SSX2IP: variants seen among roughly 807,000 people sequenced by gnomAD.
SSX2IP encodes the protein SSX family member 2 interacting protein, also known as afadin- and alpha-actinin-binding protein.
A neutral mutation model predicts 84.9 loss-of-function variants in SSX2IP; 55 were observed. The observed-to-expected ratio is 0.65, with a 90% CI of 0.52 to 0.81. SSX2IP has a LOEUF of 0.81. Ranked by LOEUF, SSX2IP falls within the 30% of genes least tolerant of loss-of-function variation. The pLI is 0.00. For synonymous variants in SSX2IP, 239 were observed against 234.7 expected, an observed-to-expected ratio of 1.02 and a Z score of -0.17; for missense variants, 664 against 705.2, an observed-to-expected ratio of 0.94 and a Z score of 0.66.
intron 4 of SSX2IP, among the ~76,000 whole-genome samples, chr1:84,667,376 T>C (rs904094027): frequency 2.6e-5 from 4 of 152,114 alleles, no homozygotes; most frequent in African/African-American, 4.8e-5. Flanking sequence ...GTTCGTCAGA[T>C]CTCAATCTTA....
intron 1 of SSX2IP, chr1:84,680,238 C>T (rs1421946015): frequency 1.3e-5 from 2 of 152,146 alleles, no homozygotes; most frequent in Non-Finnish European, 2.9e-5. Flanking sequence ...CCTTATATAT[C>T]TTTGAACTGA....
At chr1:84,689,685 G>C (rs1656309012) in intron 1 of SSX2IP, among the ~76,000 whole-genome samples, 1 of 152,164 alleles carries the variant, frequency 6.6e-6, no homozygotes, top group Non-Finnish European at 1.5e-5. Context: ...ATGCCTAACT[G>C]GGCAATCAGC....
chr1:84,675,206 T>C (rs1009556898), intron 1 of SSX2IP, among the ~76,000 whole-genome samples: 1 of 152,216 alleles, frequency 6.6e-6, no homozygotes, highest in Non-Finnish European at 1.5e-5. Flanking sequence ...GTTCATATTA[T>C]AGATTAATCA....
intron 1 of SSX2IP, among the ~76,000 whole-genome samples, chr1:84,683,394 C>A (rs1486048114): frequency 2.0e-5 from 3 of 152,060 alleles, no homozygotes; most frequent in Non-Finnish European, 2.9e-5. Flanking sequence ...CAAAAGCAGA[C>A]AAAATATTAA....
chr1:84,668,323 T>C (rs959958356), intron 4 of SSX2IP, among the ~76,000 whole-genome samples: 4 of 152,180 alleles, frequency 2.6e-5, no homozygotes, highest in African/African-American at 9.6e-5. Context: ...CATAGGTCTC[T>C]CTGATCTGGA....
intron 1 of SSX2IP, among the ~76,000 whole-genome samples, chr1:84,683,251 T>C (rs1439605704): frequency 6.6e-6 from 1 of 152,108 alleles, no homozygotes; most frequent in Non-Finnish European, 1.5e-5. Context: ...GCATTAGTTA[T>C]TTGTCCTAAT....
chr1:84,687,556 G>C (rs1317178902), intron 1 of SSX2IP, among the ~76,000 whole-genome samples: 1 of 152,044 alleles, frequency 6.6e-6, no homozygotes, highest in Non-Finnish European at 1.5e-5. Context: ...ACTTAAGAAA[G>C]GTTTGTTGTA....
At chr1:84,684,474 C>T (rs950577676) in intron 1 of SSX2IP, among the ~76,000 whole-genome samples, 2 of 152,160 alleles carry the variant, frequency 1.3e-5, no homozygotes, top group African/African-American at 4.8e-5. Context: ...CTGAAAATAA[C>T]AGTCCTAGGG....
At chr1:84,688,254 A>C (rs1358036360) in intron 1 of SSX2IP, among the ~76,000 whole-genome samples, 3 of 152,200 alleles carry the variant, frequency 2.0e-5, no homozygotes, top group African/African-American at 7.2e-5. Flanking sequence ...TAAACTCGTG[A>C]ATTCAAGATA....
chr1:84,658,141 GTAAAA>G (rs1029334383), intron 9 of SSX2IP, 172 bp downstream of exon 9: 29 of 699,978 alleles, frequency 4.1e-5, no homozygotes, highest in South Asian at 3.8e-4. Context: ...GTCTCAAAAA[GTAAAA>G]TAAAATAAAA....
rs758939705 is a variant in SSX2IP, at chr1:84,669,846, A to G, written c.261T>C (p.Gly87=). 1.2e-6 allele frequency: 2 copies of G among 1,613,414 alleles called. No homozygotes were observed. Among genetic ancestry groups the G allele is most frequent in the Non-Finnish European group, 1.7e-6 (2 of 1,179,592 alleles). ...GFPSLYEESK[G]KETKRELNIV... is the part of the protein sequence containing the mutation. ...TATTTAACTCTCTCTTTGTCTCTTT[A>G]CCTTTGGATTCTTCATATAATGAAG... Residue 87 remains glycine, a synonymous_variant, in exon 4 of 14, where the codon GGT becomes GGC. Transcript: ENST00000342203.
chr1:84,672,965 A>C (rs1466905974), intron 1 of SSX2IP, among the ~76,000 whole-genome samples: 1 of 152,144 alleles, frequency 6.6e-6, no homozygotes, highest in African/African-American at 2.4e-5. Context: ...GCAAGGTTAC[A>C]CTGAGCTGAG....
At chr1:84,668,077 T>C (rs1653011363) in intron 4 of SSX2IP, among the ~76,000 whole-genome samples, 1 of 152,166 alleles carries the variant, frequency 6.6e-6, no homozygotes, top group African/African-American at 2.4e-5. Flanking sequence ...AATACACATT[T>C]CTGTCCATAG....
At chr1:84,653,422 C>A (rs1650613668) in intron 11 of SSX2IP, among the ~76,000 whole-genome samples, 1 of 152,152 alleles carries the variant, frequency 6.6e-6, no homozygotes, top group African/African-American at 2.4e-5. Context: ...AAACTAAATT[C>A]TCCATCAGCC....
At position 84,658,427 on chromosome 1, in the gene SSX2IP, TCTG is replaced by T; in HGVS notation, c.966_968del (p.Ser322del). Reference sequence around the variant, plus strand: ...CACAGGAAAGGTCCCACATACTCTCTCTGCTTAGTTCCCCGGCATCTTCTTCAA... The same window carrying T: ...CACAGGAAAGGTCCCACATACTCTCTCTTAGTTCCCCGGCATCTTCTTCAA... On this transcript the variant is annotated inframe_deletion, in exon 9 of 14. Transcript: ENST00000342203. 6.2e-7 allele frequency: 1 copy of T among 1,614,066 alleles called. No individual in the cohort carries two copies. The highest frequency in any genetic ancestry group is 8.5e-7 in the Non-Finnish European group (1 of 1,179,986).
intron 1 of SSX2IP, among the ~76,000 whole-genome samples, chr1:84,685,716 A>G (rs1488539368): frequency 2.6e-5 from 4 of 152,250 alleles, no homozygotes; most frequent in Admixed American, 2.6e-4. Context: ...CTCTGAGCCT[A>G]TCGCCTCATT....
chr1:84,652,169 C>A, intron 11 of SSX2IP, 172 bp from the exon 12 acceptor site: 1 of 551,778 alleles, frequency 1.8e-6, no homozygotes, highest in Non-Finnish European at 3.3e-6. Context: ...CGTCTGTAAT[C>A]CCAGTATTTT....
At chr1:84,656,161 A>G (rs1397367292) in intron 10 of SSX2IP, 156 bp from the exon 11 acceptor site, 1 of 922,284 alleles carries the variant, frequency 1.1e-6, no homozygotes, top group Non-Finnish European at 1.6e-6. Flanking sequence ...CCCGAAACCT[A>G]CTACCCCAAC....
chr1:84,655,599 T>G, intron 11 of SSX2IP: 9 of 1,471,784 alleles, frequency 6.1e-6, no homozygotes, highest in Non-Finnish European at 8.1e-6. Flanking sequence ...CTGAAAGCAG[T>G]AATAAATGCT....
Sources: allele counts gnomAD v4.1 joint callset (sites outside exome capture counted in the v4.1 genomes callset), GRCh38; gene constraint gnomAD v4.1.1; transcripts MANE v1.5; gene names NCBI Gene and HGNC (gene_info 2026-07-23, HGNC 2026-07-21).